Variants in TENM2 observed in about 807,000 individuals in gnomAD.
The protein encoded by TENM2 is teneurin-2.
Under a neutral mutation model 245.2 loss-of-function variants are expected in TENM2, and 52 were observed. The ratio of observed to expected loss-of-function variants is 0.21; its 90% CI spans 0.17 to 0.27. The LOEUF (loss-of-function observed/expected upper bound fraction) is 0.27. Ranked by LOEUF, TENM2 falls within the 10% of genes least tolerant of loss-of-function variation. The probability of loss-of-function intolerance (pLI) is 1.00; values close to 1 mark genes in which losing one functional copy is unlikely to be tolerated. For missense variants in TENM2, 3,046 were observed against 3,666.8 expected (o/e 0.83, Z 4.37); for synonymous variants, 1,363 against 1,438.9 (o/e 0.95, Z 1.19).
chr5:167,715,737 G>A (rs764675816), intron 2 of TENM2, among the ~76,000 whole-genome samples: 4 of 152,132 alleles, frequency 2.6e-5, no homozygotes, highest in African/African-American at 7.2e-5. Context: ...AAAAGTTCAC[G>A]TAGCAGAGTG....
intron 14 of TENM2, among the ~76,000 whole-genome samples, chr5:168,194,317 A>T (rs753230122): frequency 2.0e-5 from 3 of 152,136 alleles, no homozygotes; most frequent in Non-Finnish European, 4.4e-5. Flanking sequence ...CCCTCCATGG[A>T]CTTTGAGCAC....
intron 2 of TENM2, among the ~76,000 whole-genome samples, chr5:167,511,037 C>G (rs925750354): frequency 2.0e-4 from 30 of 152,182 alleles, no homozygotes; most frequent in African/African-American, 7.2e-4. Context: ...AACACCATCC[C>G]TTTCTTCTTC....
At chr5:167,819,058 CTGTGTGTGTG>C (rs145489126) in intron 2 of TENM2, among the ~76,000 whole-genome samples, 1 of 147,592 alleles carries the variant, frequency 6.8e-6, no homozygotes, top group Non-Finnish European at 1.5e-5. Context: ...TGGTGTGTGA[CTGTGTGTGTG>C]TGTGTGTGTG....
intron 2 of TENM2, among the ~76,000 whole-genome samples, chr5:167,641,175 T>G (rs1047444547): frequency 1.3e-5 from 2 of 152,008 alleles, no homozygotes; most frequent in Admixed American, 1.3e-4. Context: ...TGTCCATGCA[T>G]GTTTATAGAA....
intron 5 of TENM2, among the ~76,000 whole-genome samples, chr5:168,020,622 G>A (rs1189221303): frequency 6.6e-6 from 1 of 152,150 alleles, no homozygotes; most frequent in East Asian, 1.9e-4. Flanking sequence ...TTCACCTTGG[G>A]GAGTGTCTTT....
At chr5:167,823,072 C>T (rs866863503) in intron 2 of TENM2, among the ~76,000 whole-genome samples, 88 of 152,282 alleles carry the variant, frequency 5.8e-4, no homozygotes, top group Middle Eastern at 6.8e-3. Flanking sequence ...ACCCTTTGTA[C>T]TGCATCGCTT....
chr5:168,146,719 T>G (rs1756116863), intron 12 of TENM2, among the ~76,000 whole-genome samples: 1 of 152,228 alleles, frequency 6.6e-6, no homozygotes, highest in African/African-American at 2.4e-5. Flanking sequence ...TGAATACTGT[T>G]AGCATCATCA....
chr5:167,961,933 A>G (rs1322614922), intron 4 of TENM2, among the ~76,000 whole-genome samples: 3 of 152,220 alleles, frequency 2.0e-5, no homozygotes, highest in Non-Finnish European at 2.9e-5. Flanking sequence ...TGCTCTTGGC[A>G]ATGAGTCTTC....
chr5:167,735,813 G>GA (rs1267561209), intron 2 of TENM2, among the ~76,000 whole-genome samples: 1 of 151,340 alleles, frequency 6.6e-6, no homozygotes, highest in Non-Finnish European at 1.5e-5. Context: ...CTCACAAAAA[G>GA]AAAAAAGAGA....
At chr5:167,414,694 G>A (rs1033810743) in intron 2 of TENM2, among the ~76,000 whole-genome samples, 3 of 152,062 alleles carry the variant, frequency 2.0e-5, no homozygotes, top group African/African-American at 7.2e-5. Context: ...GAAGTCTCCT[G>A]ATTTTAAAAC....
chr5:167,792,809 G>A (rs866872314), intron 2 of TENM2, among the ~76,000 whole-genome samples: 2 of 151,790 alleles, frequency 1.3e-5, no homozygotes, highest in Non-Finnish European at 1.5e-5. Flanking sequence ...TGATAATAGC[G>A]GTGTCAGCAT....
the TENM2 span, among the ~76,000 whole-genome samples, chr5:167,120,787 A>G: frequency 2.0e-5 from 3 of 152,246 alleles, no homozygotes; most frequent in Admixed American, 2.0e-4. Context: ...TTTATCTTCA[A>G]TGCCATCACT....
chr5:168,038,883 C>G (rs191960608), intron 5 of TENM2, among the ~76,000 whole-genome samples: 1 of 152,092 alleles, frequency 6.6e-6, no homozygotes, highest in Non-Finnish European at 1.5e-5. Context: ...GCATGTTCCC[C>G]CAGTTTCAGG....
chr5:167,584,311 G>A (rs1246088767), intron 2 of TENM2, among the ~76,000 whole-genome samples: 2 of 152,156 alleles, frequency 1.3e-5, no homozygotes, highest in Admixed American at 6.5e-5. Flanking sequence ...ACTCTCTAGA[G>A]GTTTCCCATT....
chr5:167,819,643 T>C (rs1258021257), intron 2 of TENM2, among the ~76,000 whole-genome samples: 1 of 152,218 alleles, frequency 6.6e-6, no homozygotes, highest in African/African-American at 2.4e-5. Context: ...CCTGTCATCA[T>C]CTTACCTTTA....
rs114984839 is a variant in TENM2 at position 167,702,961 on chromosome 5, C to G, written c.503-173025C>G. On this transcript the variant is annotated intron_variant, in intron 2 of 28. Transcript: ENST00000518659. ...TACAGGCGTAAGCCACCACGCCCAG[C>G]CACTTTTTTATTTTCTTCAAAAGTC... Among the ~76,000 whole-genome samples, 767 of 152,316 alleles carry G rather than the reference C, an allele frequency of 5.0e-3. 2 individuals carry two copies. Among genetic ancestry groups the G allele is most frequent in the African/African-American group, 0.018 (745 of 41,578 alleles).
At chr5:167,009,351 A>C in the TENM2 span, among the ~76,000 whole-genome samples, 1 of 152,120 alleles carries the variant, frequency 6.6e-6, no homozygotes, top group African/African-American at 2.4e-5. Flanking sequence ...ACATTCATTA[A>C]GTTTTTTTCA....
At chr5:168,136,784 C>T (rs769592755) in intron 12 of TENM2, among the ~76,000 whole-genome samples, 2 of 152,222 alleles carry the variant, frequency 1.3e-5, no homozygotes, top group Non-Finnish European at 2.9e-5. Flanking sequence ...CAGCCAGTCT[C>T]TGAATCCCAG....
rs544210272 is a variant in TENM2, at chr5:167,303,887, T to G, written c.226+18824T>G. Among the ~76,000 whole-genome samples the G allele has an allele frequency of 1.2e-3, 189 of 152,270 alleles. 1 individual carries two copies. The highest frequency in any genetic ancestry group is 4.3e-3 in the African/African-American group (179 of 41,560). ...TCTCTCAGGGCTGGCAGGTTGGTGC[T>G]TCCAGGGAATTCAGGTGTAGAGTTG... On this transcript the variant is annotated intron_variant, in intron 1 of 28. Transcript: ENST00000518659.
Sources: gnomAD v4.1 joint callset for allele counts (sites outside exome capture counted in the v4.1 genomes callset) on GRCh38, gnomAD v4.1.1 for gene constraint, MANE v1.5 for transcripts, NCBI Gene and HGNC (gene_info 2026-07-23, HGNC 2026-07-21) for gene names.